F8: variants seen among roughly 807,000 people sequenced by gnomAD.
F8 encodes the protein antihemophilic factor.
In F8, 12 loss-of-function variants were observed where a neutral mutation model predicts 140.6. That is an observed-to-expected ratio of 0.09 (90% confidence interval 0.05 to 0.14). The LOEUF (loss-of-function observed/expected upper bound fraction) is 0.14, where lower values mean the gene tolerates loss of function less well. Ranked by LOEUF, F8 falls within the 10% of genes least tolerant of loss-of-function variation. The probability of loss-of-function intolerance (pLI) is 1.00; values close to 1 mark genes in which losing one functional copy is unlikely to be tolerated. For missense variants in F8, 1,354 were observed against 1,720.7 expected (o/e 0.79, Z 3.77); for synonymous variants, 585 against 614.6 (o/e 0.95, Z 0.71).
At position 154,896,078 on chromosome X, in the gene F8, A is replaced by G. The variant is rs782662661; in HGVS notation, c.6428T>C (p.Met2143Thr). 7 of 1,209,836 alleles carry G rather than the reference A, an allele frequency of 5.8e-6. No individual in the cohort carries two copies. The South Asian group carries it at 1.2e-4, about 21-fold the overall frequency. Reference protein sequence around the residue: ...TYRGNSTGTLMVFFGNVDSSG... With the variant: ...TYRGNSTGTLTVFFGNVDSSG... Reference sequence around the variant, plus strand: ...CCCTTTAAATGACTAATTACATACCATTAAGGTTCCAGTGGAATTTCCTCG... The same window carrying G: ...CCCTTTAAATGACTAATTACATACCGTTAAGGTTCCAGTGGAATTTCCTCG... The change falls in exon 22 of 26, where the codon ATG becomes ACG. Residue 2143 changes from methionine (M) to threonine (T), a missense_variant and splice_region_variant. Coordinates refer to ENST00000360256, the MANE Select transcript of F8 (RefSeq NM_000132.4).
At chrX:154,999,638 A>G (rs2073636691) in intron 1 of F8, 38 bp from the exon 2 acceptor site, 1 of 1,186,443 alleles carries the variant, frequency 8.4e-7, no homozygotes, top group Admixed American at 2.2e-5. Context: ...ATTTTGGTGG[A>G]CACTTCAAAA....
intron 21 of F8, 99 bp from the exon 22 acceptor site, chrX:154,896,331 G>T: frequency 1.1e-6 from 1 of 909,020 alleles, no homozygotes; most frequent in Non-Finnish European, 1.6e-6. Flanking sequence ...CATTGCTACA[G>T]GTGTGTCCAT....
intron 25 of F8, among the ~76,000 whole-genome samples, chrX:154,859,432 A>G (rs955865431): frequency 1.9e-5 from 2 of 107,230 alleles, no homozygotes; most frequent in African/African-American, 3.4e-5. Flanking sequence ...CCTCCCGAGT[A>G]GCTGGGACTA....
intron 14 of F8, among the ~76,000 whole-genome samples, chrX:154,922,550 G>A (rs1387753434): frequency 8.9e-6 from 1 of 112,010 alleles, no homozygotes; most frequent in Non-Finnish European, 1.9e-5. Context: ...GCACTGTTAA[G>A]TGCATTGAAA....
intron 6 of F8, among the ~76,000 whole-genome samples, chrX:154,981,994 G>C (rs193297603): frequency 9.0e-6 from 1 of 110,533 alleles, no homozygotes; most frequent in Non-Finnish European, 1.9e-5. Flanking sequence ...GACCGGCCTG[G>C]CAAACATGGT....
At chrX:154,940,857 C>T (rs782727239) in intron 13 of F8, among the ~76,000 whole-genome samples, 3 of 112,113 alleles carry the variant, frequency 2.7e-5, no homozygotes, top group African/African-American at 6.5e-5. Flanking sequence ...TGGGGGCCAA[C>T]ATTCAACATT....
chrX:154,896,185 A>T lies in F8; in HGVS notation c.6321T>A (p.Gly2107=). 3.3e-6 allele frequency: 4 copies of T among 1,211,015 alleles called. No individual in the cohort carries two copies. The highest frequency in any genetic ancestry group is 4.5e-6 in the Non-Finnish European group (4 of 894,938). ...AGAGGCTGGAGAACTTCTGACGGGC[A>T]CCCTGGGTCTTGATGCCGTGAATAA... ...PMIIHGIKTQ[G]ARQKFSSLYI... The change falls in exon 22 of 26, where the codon GGT becomes GGA. Residue 2107 remains glycine, a synonymous_variant. Coordinates refer to ENST00000360256, the MANE Select transcript of F8 (RefSeq NM_000132.4).
At chrX:154,993,184 T>A (rs1557284825) in intron 3 of F8, 36 bp from the exon 4 acceptor site, 1 of 1,094,054 alleles carries the variant, frequency 9.1e-7, no homozygotes, top group Non-Finnish European at 1.3e-6. Flanking sequence ...CCTTTCTATA[T>A]CCACTGTACA....
At chrX:154,990,635 C>A (rs2073582376) in intron 4 of F8, among the ~76,000 whole-genome samples, 1 of 111,896 alleles carries the variant, frequency 8.9e-6, no homozygotes, top group African/African-American at 3.2e-5. Context: ...ATACTGAGTT[C>A]AGTTTCATAG....
intron 22 of F8, among the ~76,000 whole-genome samples, chrX:154,876,313 G>A (rs2072815505): frequency 9.1e-6 from 1 of 109,350 alleles, no homozygotes; most frequent in Non-Finnish European, 1.9e-5. Flanking sequence ...TAGAGACGGT[G>A]TTTCACCGTG....
At chrX:154,963,796 G>A (rs1275818269) in intron 9 of F8, among the ~76,000 whole-genome samples, 1 of 110,492 alleles carries the variant, frequency 9.1e-6, no homozygotes, top group Admixed American at 9.6e-5. Context: ...CAAAGAATGG[G>A]GTAGATCTAT....
Position 154,904,000 on chromosome X carries a change from G to T in F8, c.5904C>A (p.Ser1968Arg). The change falls in exon 18 of 26, where the codon AGC (serine) becomes AGA (arginine). Residue 1968 changes from serine to arginine, a missense_variant. Physicochemically the swap from Ser to Arg is moderately radical, Grantham distance 110 (BLOSUM62 -1). Transcript: ENST00000360256. Reference sequence around the variant, plus strand: ...AATGAATAGAATGGATGTTTTCATTGCTGCCCATGCTGAGCAGATACCATC... The same window carrying T: ...AATGAATAGAATGGATGTTTTCATTTCTGCCCATGCTGAGCAGATACCATC... ...RIRWYLLSMG[S>R]NENIHSIHFS... is the part of the protein sequence containing the mutation. 8.3e-7 allele frequency: 1 copy of T among 1,209,183 alleles called. No homozygotes were observed. Among genetic ancestry groups the T allele is most frequent in the Non-Finnish European group, 1.1e-6 (1 of 893,338 alleles).
At chrX:154,945,226 GA>G (rs2073296750) in intron 13 of F8, among the ~76,000 whole-genome samples, 1 of 110,557 alleles carries the variant, frequency 9.0e-6, no homozygotes. Context: ...AATCAAGGGG[GA>G]AAAATACTTC....
At chrX:154,976,267 T>G (rs2124118350) in intron 6 of F8, among the ~76,000 whole-genome samples, 1 of 111,748 alleles carries the variant, frequency 8.9e-6, no homozygotes, top group East Asian at 2.8e-4. Flanking sequence ...CCTGCTTTCT[T>G]TTTGTTTACA....
At chrX:154,944,443 A>C (rs1326263208) in intron 13 of F8, among the ~76,000 whole-genome samples, 1 of 111,742 alleles carries the variant, frequency 8.9e-6, no homozygotes, top group Non-Finnish European at 1.9e-5. Context: ...TGGCCATCAG[A>C]GAAATGCAAA....
chrX:154,898,805 G>A (rs147785807), intron 21 of F8, among the ~76,000 whole-genome samples: 1 of 111,608 alleles, frequency 9.0e-6, no homozygotes, highest in Non-Finnish European at 1.9e-5. Flanking sequence ...ACTGAAGATC[G>A]GCAAGCTGAA....
In F8 at chrX:154,961,164, A is replaced by G. The variant is rs1344977069; in HGVS notation, c.1448T>C (p.Ile483Thr). ...TGGTCTGCTTGCTTGATTCTTAAAT[A>G]TAATCTGAAAGTATAAGCGAGATCT... Reference protein sequence around the residue: ...YGEVGDTLLIIFKNQASRPYN... With the variant: ...YGEVGDTLLITFKNQASRPYN... Residue 483 changes from isoleucine to threonine, a missense_variant, in exon 10 of 26, where the codon ATA (isoleucine) becomes ACA (threonine). Coordinates refer to ENST00000360256, the MANE Select transcript of F8 (RefSeq NM_000132.4). The G allele has an allele frequency of 1.7e-6, 2 of 1,160,707 alleles. No individual in the cohort carries two copies. The highest frequency in any genetic ancestry group is 1.2e-6 in the Non-Finnish European group (1 of 850,461).
chrX:154,845,543 T>G (rs1361255890), intron 25 of F8, among the ~76,000 whole-genome samples: 1 of 112,241 alleles, frequency 8.9e-6, no homozygotes, highest in African/African-American at 3.2e-5. Context: ...GTCCAGGAAT[T>G]TATCCATTTC....
intron 7 of F8, among the ~76,000 whole-genome samples, chrX:154,967,513 G>A (rs1394742514): frequency 8.9e-6 from 1 of 111,989 alleles, no homozygotes; most frequent in Non-Finnish European, 1.9e-5. Flanking sequence ...GGTTTTAGGA[G>A]CAGCAAACAA....
Sources: gnomAD v4.1 joint callset for allele counts (sites outside exome capture counted in the v4.1 genomes callset) on GRCh38, gnomAD v4.1.1 for gene constraint, MANE v1.5 for transcripts, NCBI Gene and HGNC (gene_info 2026-07-23, HGNC 2026-07-21) for gene names.